Variants in VPS37A observed in about 807,000 individuals in gnomAD.
The protein encoded by VPS37A is vacuolar protein sorting-associated protein 37A.
In VPS37A, 30 loss-of-function variants were observed where a neutral mutation model predicts 49.8. The ratio of observed to expected loss-of-function variants is 0.60; its 90% CI spans 0.45 to 0.82. VPS37A has a LOEUF of 0.82. VPS37A is among the 40% of genes least tolerant of loss of function. The probability of loss-of-function intolerance (pLI) is 0.00; values close to 1 mark genes in which losing one functional copy is unlikely to be tolerated. For synonymous variants in VPS37A, 195 were observed against 160.6 expected (o/e 1.21, Z -1.62); for missense variants, 593 against 464.4 (o/e 1.28, Z -2.55).
At chr8:17,332,532 TG>T in the VPS37A span, among the ~76,000 whole-genome samples, 9 of 152,268 alleles carry the variant, frequency 5.9e-5, no homozygotes, top group African/African-American at 9.6e-5. Context: ...AGGCTTACGA[TG>T]GGGTTATATC....
chr8:17,331,280 A>T, the VPS37A span: 1 of 1,598,410 alleles, frequency 6.3e-7, no homozygotes, highest in Non-Finnish European at 8.5e-7. Context: ...CCATTGCATT[A>T]AGCTGCAGTG....
the VPS37A span, among the ~76,000 whole-genome samples, chr8:17,320,248 C>G: frequency 1.3e-5 from 2 of 152,126 alleles, no homozygotes; most frequent in African/African-American, 2.4e-5. Context: ...CTTCTATGCA[C>G]AGTATTGACT....
chr8:17,283,885 G>T (rs1815339438), intron 9 of VPS37A, among the ~76,000 whole-genome samples: 1 of 152,090 alleles, frequency 6.6e-6, no homozygotes, highest in South Asian at 2.1e-4. Flanking sequence ...ATTTTGATAG[G>T]GATTGCATTG....
chr8:17,308,470 A>C, the VPS37A span, among the ~76,000 whole-genome samples: 1 of 152,236 alleles, frequency 6.6e-6, no homozygotes, highest in Admixed American at 6.5e-5. Context: ...TTAATGCTAA[A>C]AGCAAAAAAC....
chr8:17,263,069 A>T (rs1179093827), intron 1 of VPS37A, among the ~76,000 whole-genome samples: 1 of 152,104 alleles, frequency 6.6e-6, no homozygotes, highest in Admixed American at 6.5e-5. Flanking sequence ...CAAAAAAAAA[A>T]AAAAAAGATA....
the VPS37A span, among the ~76,000 whole-genome samples, chr8:17,321,894 T>A: frequency 6.6e-6 from 1 of 152,192 alleles, no homozygotes; most frequent in African/African-American, 2.4e-5. Flanking sequence ...AGATATAATT[T>A]TAGGACCTCT....
intron 1 of VPS37A, among the ~76,000 whole-genome samples, chr8:17,258,363 T>C (rs957351990): frequency 6.6e-6 from 1 of 152,202 alleles, no homozygotes; most frequent in Admixed American, 6.5e-5. Flanking sequence ...CAAAGGATTT[T>C]ATTGAGTGCT....
At position 17,246,981 on chromosome 8, in the gene VPS37A, T is replaced by A. The variant is rs1356503527; in HGVS notation, c.-264T>A. The stretch of plus-strand genomic sequence containing the variant: ...GCGCTGGGCGGCCAGGCTCCCTGGC[T>A]GGCCGGTTTGGGCGTCTGGGCCGTG... On this transcript the variant is annotated 5_prime_UTR_variant, in exon 1 of 12. Transcript: ENST00000324849. 6 of 488,028 alleles carry A rather than the reference T, an allele frequency of 1.2e-5. No individual in the cohort carries two copies. Among genetic ancestry groups the A allele is most frequent in the Non-Finnish European group, 2.2e-5 (6 of 273,494 alleles). 30.2% of individuals were successfully genotyped at this position (488,028 alleles called of 1,614,324 possible).
intron 1 of VPS37A, 156 bp downstream of exon 1, chr8:17,247,525 C>T (rs1208964065): frequency 3.8e-6 from 4 of 1,042,912 alleles, no homozygotes; most frequent in Non-Finnish European, 5.6e-6. Flanking sequence ...GCCACTCCTG[C>T]CCCCTTTTAC....
At chr8:17,332,747 C>A in the VPS37A span, among the ~76,000 whole-genome samples, 1 of 152,134 alleles carries the variant, frequency 6.6e-6, no homozygotes, top group Non-Finnish European at 1.5e-5. Flanking sequence ...TTGGCATTGG[C>A]CCATGACAAG....
chr8:17,310,665 C>G, the VPS37A span, among the ~76,000 whole-genome samples: 1 of 152,094 alleles, frequency 6.6e-6, no homozygotes, highest in Non-Finnish European at 1.5e-5. Flanking sequence ...TCAGACACTT[C>G]CAAAAAAAGA....
At chr8:17,306,853 G>A (rs1817488041), downstream of VPS37A, among the ~76,000 whole-genome samples, 1 of 152,144 alleles carries the variant, frequency 6.6e-6, no homozygotes, top group Non-Finnish European at 1.5e-5. Flanking sequence ...AGCTGAAACT[G>A]GATCCCTTCT....
At chr8:17,278,462 C>G (rs1295352560) in intron 6 of VPS37A, among the ~76,000 whole-genome samples, 1 of 152,024 alleles carries the variant, frequency 6.6e-6, no homozygotes, top group African/African-American at 2.4e-5. Context: ...CTTATATTAT[C>G]ACCTGTCACA....
intron 1 of VPS37A, chr8:17,248,150 T>A: frequency 2.7e-6 from 1 of 368,604 alleles, no homozygotes; most frequent in Non-Finnish European, 5.3e-6. Flanking sequence ...CTCTAATGGT[T>A]TTCAAAAATT....
In VPS37A at chr8:17,274,901, A is replaced by T. The variant is rs762816245; in HGVS notation, c.585A>T (p.Ser195=). The change falls in exon 5 of 12, where the codon TCA becomes TCT. Residue 195 remains serine (S), a synonymous_variant. Transcript: ENST00000324849. ...CCACAGCCAAGCCTGCCGCTCCTTC[A>T]TTTGGTGTCCTTTCAAATCTGCCAT... ...SHTTAKPAAP[S]FGVLSNLPLP... is the part of the protein sequence containing the mutation. The T allele has an allele frequency of 5.0e-6, 8 of 1,613,992 alleles. No individual in the cohort carries two copies. The highest frequency in any genetic ancestry group is 3.3e-5 in the Admixed American group (2 of 60,004).
At chr8:17,305,924 G>A (rs762977989), downstream of VPS37A, 2 of 1,613,412 alleles carry the variant, frequency 1.2e-6, no homozygotes. Context: ...TAACTGGAGA[G>A]ATTTCTTTTG....
downstream of VPS37A, among the ~76,000 whole-genome samples, chr8:17,307,419 C>G (rs1817524906): frequency 6.6e-6 from 1 of 152,158 alleles, no homozygotes; most frequent in Non-Finnish European, 1.5e-5. Context: ...GAAATAGGAA[C>G]ACTTTTACAC....
At chr8:17,302,189 G>C (rs143429445), downstream of VPS37A, 2 of 1,614,126 alleles carry the variant, frequency 1.2e-6, no homozygotes, top group African/African-American at 2.7e-5. Context: ...TCTAGCTGCT[G>C]AGTTTCTTCC....
At chr8:17,306,119 A>C (rs1267299627), downstream of VPS37A, among the ~76,000 whole-genome samples, 1 of 152,208 alleles carries the variant, frequency 6.6e-6, no homozygotes, top group Non-Finnish European at 1.5e-5. Context: ...TTTTAAATTC[A>C]AATTTCCAGA....
Sources: gnomAD v4.1 joint callset for allele counts (sites outside exome capture counted in the v4.1 genomes callset) on GRCh38, gnomAD v4.1.1 for gene constraint, MANE v1.5 for transcripts, NCBI Gene and HGNC (gene_info 2026-07-23, HGNC 2026-07-21) for gene names.